Variants in UTY observed in about 807,000 individuals in gnomAD.
The protein encoded by UTY is histone demethylase UTY.
In UTY, 12 loss-of-function variants were observed where a neutral mutation model predicts 32.5. The observed-to-expected ratio is 0.37, with a 90% CI of 0.24 to 0.60. UTY has a LOEUF of 0.60. UTY is among the 20% of genes least tolerant of loss of function. UTY has a pLI of 0.69. For synonymous variants in UTY, 131 were observed against 103.4 expected (o/e 1.27, Z -1.62); for missense variants, 303 against 299.2 (o/e 1.01, Z -0.09).
chrY:13,328,999 G>C, intron 18 of UTY, among the ~76,000 whole-genome samples: 2 of 33,026 alleles, frequency 6.1e-5, no homozygotes. Context: ...TGCTCCCCAA[G>C]GTTGTCGCAA....
At chrY:13,241,491 A>C (rs756802091) in intron 28 of UTY, among the ~76,000 whole-genome samples, 1 of 33,407 alleles carries the variant, frequency 3.0e-5, no homozygotes, top group African/African-American at 1.2e-4. Flanking sequence ...AAATAGCAGA[A>C]GAAAAGAAAT....
intron 21 of UTY, among the ~76,000 whole-genome samples, chrY:13,316,884 T>C (rs2059519307): frequency 3.0e-5 from 1 of 33,502 alleles, no homozygotes; most frequent in Admixed American, 2.7e-4. Flanking sequence ...TGATTTTGGC[T>C]ACTATAGGGC....
chrY:13,329,809 CAT>C, intron 18 of UTY, among the ~76,000 whole-genome samples: 1 of 33,777 alleles, frequency 3.0e-5, no homozygotes, highest in East Asian at 7.6e-4. Flanking sequence ...TTTAAACAAA[CAT>C]GTGAACCCCC....
chrY:13,346,796 T>C (rs2061940512), intron 17 of UTY, among the ~76,000 whole-genome samples: 1 of 33,343 alleles, frequency 3.0e-5, no homozygotes, highest in Admixed American at 2.7e-4. Flanking sequence ...TTCCCAACAC[T>C]ATATCAATCA....
At position 13,359,917 on chromosome Y, in the gene UTY, G is replaced by T; in HGVS notation, c.1035C>A (p.Asp345Glu). 1 of 398,459 alleles carries T rather than the reference G, an allele frequency of 2.5e-6. No homozygotes were observed. Among genetic ancestry groups the T allele is most frequent in the Non-Finnish European group, 3.5e-6 (1 of 283,469 alleles). ...CCATCCAGGCTGCGGCATGCCCATG[G>T]TCCAATTGTACAGCACAAATATATG... ...LQAYICAVQL[D>E]HGHAAAWMDL... The change falls in exon 12 of 30, where the codon GAC becomes GAA. Residue 345 changes from aspartate (D) to glutamate (E), a missense_variant. Asp to Glu is a conservative substitution (Grantham distance 45, BLOSUM62 2). Coordinates refer to ENST00000545955, the MANE Select transcript of UTY (RefSeq NM_001258249.2).
intron 27 of UTY, among the ~76,000 whole-genome samples, chrY:13,281,839 G>A (rs771086021): frequency 3.0e-5 from 1 of 33,002 alleles, no homozygotes; most frequent in South Asian, 6.6e-4. Flanking sequence ...TGCTTTCAGC[G>A]TAGGGCAAGT....
chrY:13,357,590 T>G (rs2063077691), intron 15 of UTY, among the ~76,000 whole-genome samples: 1 of 32,146 alleles, frequency 3.1e-5, no homozygotes, highest in African/African-American at 1.2e-4. Flanking sequence ...TGTTTGTACA[T>G]GCACAATTTA....
intron 4 of UTY, among the ~76,000 whole-genome samples, chrY:13,430,464 T>C: frequency 3.0e-5 from 1 of 33,676 alleles, no homozygotes; most frequent in Non-Finnish European, 7.3e-5. Flanking sequence ...GAGGGATTTA[T>C]CCATTTCCTC....
intron 27 of UTY, among the ~76,000 whole-genome samples, chrY:13,262,917 T>C: frequency 3.0e-5 from 1 of 32,983 alleles, no homozygotes; most frequent in Admixed American, 2.8e-4. Context: ...TCTCAACAGA[T>C]GAACTTTCAT....
chrY:13,364,510 G>A (rs956425733), intron 10 of UTY, among the ~76,000 whole-genome samples: 2 of 32,745 alleles, frequency 6.1e-5, no homozygotes, highest in East Asian at 8.0e-4. Flanking sequence ...TATTATAGTC[G>A]CCTGCTCACC....
At chrY:13,455,695 T>C (rs758759921) in intron 3 of UTY, among the ~76,000 whole-genome samples, 3 of 33,604 alleles carry the variant, frequency 8.9e-5, no homozygotes, top group East Asian at 1.6e-3. Context: ...AGGATAAGGA[T>C]AGTCCCTGCC....
intron 6 of UTY, among the ~76,000 whole-genome samples, chrY:13,403,066 C>T (rs2149588853): frequency 3.0e-5 from 1 of 32,919 alleles, no homozygotes; most frequent in South Asian, 6.9e-4. Context: ...TTATTTCAGA[C>T]AATTCAGAAT....
intron 8 of UTY, among the ~76,000 whole-genome samples, chrY:13,392,240 A>G: frequency 3.0e-5 from 1 of 33,649 alleles, no homozygotes; most frequent in Non-Finnish European, 7.4e-5. Context: ...GAGCAACAAC[A>G]TAATACATGA....
intron 6 of UTY, among the ~76,000 whole-genome samples, chrY:13,402,532 C>T: frequency 3.0e-5 from 1 of 33,506 alleles, no homozygotes; most frequent in Non-Finnish European, 7.4e-5. Flanking sequence ...TCTCATGAAG[C>T]CAAACTCCAG....
chrY:13,241,008 A>C, intron 28 of UTY, among the ~76,000 whole-genome samples: 1 of 31,892 alleles, frequency 3.1e-5, no homozygotes, highest in Non-Finnish European at 7.6e-5. Flanking sequence ...TTAACATTAA[A>C]AAATTAAAAA....
chrY:13,357,579 T>C (rs2063075656), intron 15 of UTY, among the ~76,000 whole-genome samples: 1 of 32,425 alleles, frequency 3.1e-5, no homozygotes, highest in Non-Finnish European at 7.5e-5. Context: ...ACAAACACAT[T>C]TGTTTGTACA....
At chrY:13,480,429 CGA>C (rs2079576630), upstream of UTY, 2 of 33,572 alleles carry the variant, frequency 6.0e-5, no homozygotes, top group Admixed American at 2.6e-4. Context: ...CTTGCGAATG[CGA>C]GACCTTGCGG....
At chrY:13,343,606 ACTTCAGATATGAAGCAG>A (rs2061653668) in intron 17 of UTY, among the ~76,000 whole-genome samples, 1 of 33,167 alleles carries the variant, frequency 3.0e-5, no homozygotes, top group Non-Finnish European at 7.4e-5. Context: ...CTGATATGAT[ACTTCAGATATGAAGCAG>A]CTTCAGATAT....
intron 27 of UTY, among the ~76,000 whole-genome samples, chrY:13,271,512 C>G: frequency 3.0e-5 from 1 of 33,210 alleles, no homozygotes; most frequent in Non-Finnish European, 7.4e-5. Flanking sequence ...TCTATGTATC[C>G]ATTACTTTGT....
Sources: gnomAD v4.1 joint callset for allele counts (sites outside exome capture counted in the v4.1 genomes callset) on GRCh38, gnomAD v4.1.1 for gene constraint, MANE v1.5 for transcripts, NCBI Gene and HGNC (gene_info 2026-07-23, HGNC 2026-07-21) for gene names.